Variants in ETV6 observed in about 807,000 individuals in gnomAD.
ETV6 encodes ETS variant transcription factor 6.
In ETV6, 16 loss-of-function variants were observed where a neutral mutation model predicts 51.1. That is an observed-to-expected ratio of 0.31 (90% CI 0.21 to 0.48). ETV6 has a LOEUF of 0.48. Ranked by LOEUF, ETV6 falls within the 20% of genes least tolerant of loss-of-function variation. The pLI, the probability that ETV6 is intolerant of heterozygous loss-of-function variation, is 0.99. For synonymous variants in ETV6, 240 were observed against 224.1 expected (o/e 1.07, Z -0.64); for missense variants, 458 against 594.8 (o/e 0.77, Z 2.39).
chr12:11,861,415 C>A (rs1427356820), intron 4 of ETV6, among the ~76,000 whole-genome samples: 3 of 152,188 alleles, frequency 2.0e-5, no homozygotes. Context: ...CTTGCCCCTG[C>A]TGCAGCATGT....
intron 3 of ETV6, among the ~76,000 whole-genome samples, chr12:11,843,023 C>T (rs541705577): frequency 4.6e-5 from 7 of 152,288 alleles, no homozygotes; most frequent in East Asian, 1.9e-4. Context: ...CATCATACAT[C>T]GTCTCCATTA....
At chr12:11,883,276 C>CTTTTTTTTTTTT (rs547786286) in intron 5 of ETV6, among the ~76,000 whole-genome samples, 23 of 79,104 alleles carry the variant, frequency 2.9e-4, no homozygotes, top group East Asian at 3.9e-4. Context: ...ATGTCTTCTT[C>CTTTTTTTTTTTT]TTTTTTTTTT....
rs58188628 is a variant in ETV6, at chr12:11,690,886, C to CTAAATAAATAAATAAATAAATAAA, written c.33+40727_33+40750dup. ...TGGGCGACAGAGTGAGACTCTGTCT[C>CTAAATAAATAAATAAATAAATAAA]TAAATAAATAAATAAATAAATAAAA... On this transcript the variant is annotated intron_variant, in intron 1 of 7. Transcript: ENST00000396373. Among the ~76,000 whole-genome samples the CTAAATAAATAAATAAATAAATAAA allele has an allele frequency of 4.1e-3, 576 of 140,566 alleles. 4 individuals are homozygous for CTAAATAAATAAATAAATAAATAAA. Among genetic ancestry groups the CTAAATAAATAAATAAATAAATAAA allele is most frequent in the East Asian group, 9.8e-3 (47 of 4,818 alleles). 92.2% of individuals were successfully genotyped at this position (140,566 alleles called of 152,430 possible). A position where few individuals can be genotyped will look rare whatever the true frequency, so the allele number is the denominator to read the frequency against.
chr12:11,737,462 A>G (rs1421998325), intron 1 of ETV6, among the ~76,000 whole-genome samples: 1 of 152,178 alleles, frequency 6.6e-6, no homozygotes, highest in African/African-American at 2.4e-5. Flanking sequence ...TCATATGGAG[A>G]TTTTTATTCT....
In ETV6 at chr12:11,712,470, A is replaced by G. The variant is rs1865191436; in HGVS notation, c.34-39980A>G. On this transcript the variant is annotated intron_variant, in intron 1 of 7. Transcript: ENST00000396373. ...ACCCATCATCTCGTCGTAGATGGGG[A>G]TGGTATTACAGGTCGTGCTCATCTG... 1.3e-5 allele frequency among the ~76,000 whole-genome samples: 2 copies of G among 152,106 alleles called. 1 individual carries two copies. The highest frequency in any genetic ancestry group is 4.1e-4 in the South Asian group (2 of 4,828).
intron 2 of ETV6, among the ~76,000 whole-genome samples, chr12:11,758,051 T>C (rs1481210828): frequency 2.0e-5 from 3 of 152,138 alleles, no homozygotes; most frequent in Non-Finnish European, 4.4e-5. Context: ...CAGTACCCAA[T>C]TCCCCAGCAT....
At chr12:11,806,688 C>G (rs1283256153) in intron 2 of ETV6, among the ~76,000 whole-genome samples, 4 of 152,198 alleles carry the variant, frequency 2.6e-5, no homozygotes, top group African/African-American at 9.7e-5. Flanking sequence ...TTCAAGCATT[C>G]ATACATTTCT....
Position 11,739,177 on chromosome 12 carries a change from G to A in ETV6, c.34-13273G>A, listed in dbSNP as rs112881245. Among the ~76,000 whole-genome samples, 1,315 of 152,308 alleles carry A rather than the reference G, an allele frequency of 8.6e-3. 2 individuals carry two copies. The highest frequency in any genetic ancestry group is 0.011 in the Non-Finnish European group (747 of 68,020). On this transcript the variant is annotated intron_variant, in intron 1 of 7. Transcript: ENST00000396373. ...GGCTCATGGTCTCTGAGGACAGAGGGCAGGAAAACACCTTCATGCCCTGTG... is the reference window on the plus strand; with the variant it reads ...GGCTCATGGTCTCTGAGGACAGAGGACAGGAAAACACCTTCATGCCCTGTG...
At chr12:11,827,284 G>A (rs1946171470) in intron 2 of ETV6, among the ~76,000 whole-genome samples, 1 of 152,120 alleles carries the variant, frequency 6.6e-6, no homozygotes, top group Admixed American at 6.5e-5. Flanking sequence ...CAGCCTTTCG[G>A]TGGAGGGTAG....
intron 1 of ETV6, among the ~76,000 whole-genome samples, chr12:11,705,248 T>C (rs1009580957): frequency 5.3e-5 from 8 of 152,232 alleles, no homozygotes; most frequent in African/African-American, 1.9e-4. Context: ...TGCTCAAACA[T>C]GCTAGCTCCG....
chr12:11,873,973 T>C (rs1472917988), intron 5 of ETV6, among the ~76,000 whole-genome samples: 1 of 112,132 alleles, frequency 8.9e-6, no homozygotes, highest in Non-Finnish European at 1.8e-5. Context: ...TCATTCCAGA[T>C]GGAGAAAACT....
At position 11,689,383 on chromosome 12, in the gene ETV6, G is replaced by A. The variant is rs532312916; in HGVS notation, c.33+39223G>A. On this transcript the variant is annotated intron_variant, in intron 1 of 7. Coordinates refer to ENST00000396373, the MANE Select transcript of ETV6 (RefSeq NM_001987.5). ...AGACCTGACCACTGCTTCTCTAGGC[G>A]TCGTTTGAATATTTAAAGACAAAGC... is the stretch of plus-strand genomic sequence containing the variant. Among the ~76,000 whole-genome samples the A allele has an allele frequency of 1.5e-3, 228 of 152,192 alleles. 1 individual carries two copies. Among genetic ancestry groups the A allele is most frequent in the African/African-American group, 5.1e-3 (210 of 41,534 alleles).
rs936802712 is a variant in ETV6, at chr12:11,672,883, C to T, written c.33+22723C>T. 4.6e-5 allele frequency among the ~76,000 whole-genome samples: 7 copies of T among 152,152 alleles called. No homozygotes were observed. In the East Asian group the frequency reaches 9.6e-4, roughly 21 times the overall value. The stretch of plus-strand genomic sequence containing the variant: ...GGTTGATCAGAACCGTGGAAGAGTC[C>T]GGAGCAGATGCTCTGTGGGAAACCC... On this transcript the variant is annotated intron_variant, in intron 1 of 7. Transcript: ENST00000396373.
intron 1 of ETV6, among the ~76,000 whole-genome samples, chr12:11,665,773 C>T (rs79592895): frequency 7.9e-5 from 12 of 152,226 alleles, no homozygotes; most frequent in East Asian, 1.9e-4. Flanking sequence ...CATGTCAGGG[C>T]GAACATACTG....
At chr12:11,668,548 C>G (rs1027769094) in intron 1 of ETV6, among the ~76,000 whole-genome samples, 3 of 152,150 alleles carry the variant, frequency 2.0e-5, no homozygotes, top group African/African-American at 7.2e-5. Context: ...GTAAAGGTGG[C>G]ACCCAGTTTC....
intron 1 of ETV6, among the ~76,000 whole-genome samples, chr12:11,673,867 C>T (rs1356498940): frequency 7.2e-5 from 11 of 152,134 alleles, no homozygotes. Flanking sequence ...TGAGATTTGG[C>T]AGTGATTCCA....
At chr12:11,751,451 C>T (rs745418168) in intron 1 of ETV6, 3 of 518,518 alleles carry the variant, frequency 5.8e-6, no homozygotes, top group Non-Finnish European at 7.7e-6. Context: ...CTCCTGAAGT[C>T]ATGTTTACAT....
At chr12:11,863,176 T>C (rs138466726) in intron 4 of ETV6, among the ~76,000 whole-genome samples, 8 of 152,342 alleles carry the variant, frequency 5.3e-5, no homozygotes, top group African/African-American at 1.7e-4. Context: ...GGCAGTTTTT[T>C]GTCTGTTTGT....
intron 2 of ETV6, among the ~76,000 whole-genome samples, chr12:11,801,679 C>T (rs1350850710): frequency 2.7e-5 from 4 of 150,208 alleles, no homozygotes; most frequent in Non-Finnish European, 4.4e-5. Context: ...TTAATCATTA[C>T]AGTGTTCCTT....
Sources: gnomAD v4.1 joint callset for allele counts (sites outside exome capture counted in the v4.1 genomes callset) on GRCh38, gnomAD v4.1.1 for gene constraint, MANE v1.5 for transcripts, NCBI Gene and HGNC (gene_info 2026-07-23, HGNC 2026-07-21) for gene names.